FRMD3: variants seen among roughly 807,000 people sequenced by gnomAD.
FRMD3 encodes the protein FERM domain containing 3, also known as FERM domain-containing protein 3.
A neutral mutation model predicts 70.2 loss-of-function variants in FRMD3; 33 were observed. The ratio of observed to expected loss-of-function variants is 0.47; its 90% CI spans 0.36 to 0.63. FRMD3 has a LOEUF of 0.63. Among genes scored for constraint, FRMD3 ranks in the 20% least tolerant of loss-of-function variants. The pLI is 0.00. For missense variants in FRMD3, 632 were observed against 711.4 expected, an observed-to-expected ratio of 0.89 and a Z score of 1.27; for synonymous variants, 279 against 255.9, an observed-to-expected ratio of 1.09 and a Z score of -0.86.
intron 13 of FRMD3, among the ~76,000 whole-genome samples, chr9:83,278,139 A>T (rs1163029351): frequency 1.3e-5 from 2 of 152,240 alleles, no homozygotes; most frequent in Non-Finnish European, 2.9e-5. Flanking sequence ...GAAAAGAAAC[A>T]GCCATACAAA....
chr9:83,271,218 A>G (rs1485447136), intron 13 of FRMD3, among the ~76,000 whole-genome samples: 1 of 152,202 alleles, frequency 6.6e-6, no homozygotes, highest in African/African-American at 2.4e-5. Context: ...GGAGTCAGCC[A>G]TTAGTTAAAA....
chr9:83,290,634 G>C lies in FRMD3; in HGVS notation c.1164C>G (p.Ser388Arg), dbSNP rs371814253. 1 of 1,614,022 alleles carries C rather than the reference G, an allele frequency of 6.2e-7. No individual in the cohort carries two copies. The highest frequency in any genetic ancestry group is 1.1e-5 in the South Asian group (1 of 91,072). Residue 388 changes from serine to arginine, a missense_variant, in exon 13 of 14, where the codon AGC becomes AGG. Ser to Arg is a moderately radical substitution (Grantham distance 110). Transcript: ENST00000304195. The part of the protein sequence containing the change: ...EPLQPLLPSP[S>R]EQEEELPLGE... ...CCAGAGGAAGTTCTTCTTCTTGCTC[G>C]CTGGGGGAAGGAAGCAGGGGCTGCA...
chr9:83,498,683 A>G (rs1255816363), intron 1 of FRMD3, among the ~76,000 whole-genome samples: 1 of 152,210 alleles, frequency 6.6e-6, no homozygotes, highest in East Asian at 1.9e-4. Flanking sequence ...TTTCTACTGA[A>G]CAGCTCTAGT....
intron 13 of FRMD3, among the ~76,000 whole-genome samples, chr9:83,271,165 C>T (rs1383645783): frequency 6.6e-6 from 1 of 152,112 alleles, no homozygotes; most frequent in Non-Finnish European, 1.5e-5. Flanking sequence ...CAATATCATG[C>T]AATTTATCTA....
At chr9:83,357,244 TACA>T (rs368169984) in intron 3 of FRMD3, among the ~76,000 whole-genome samples, 76 of 2,572 alleles carry the variant, frequency 0.03, 3 homozygotes, top group African/African-American at 0.098. Context: ...ATATAATACA[TACA>T]TATATATATA....
At chr9:83,361,700 T>G (rs1282059045) in intron 3 of FRMD3, among the ~76,000 whole-genome samples, 1 of 152,156 alleles carries the variant, frequency 6.6e-6, no homozygotes, top group African/African-American at 2.4e-5. Flanking sequence ...ATTAATTAAT[T>G]ACAATGCATT....
chr9:83,260,320 C>A (rs1832926638), intron 13 of FRMD3, among the ~76,000 whole-genome samples: 1 of 152,120 alleles, frequency 6.6e-6, no homozygotes, highest in Admixed American at 6.5e-5. Context: ...GGTTTGTATC[C>A]ATGCCTGTCT....
the FRMD3 span, among the ~76,000 whole-genome samples, chr9:83,551,094 T>C: frequency 1.3e-5 from 2 of 152,180 alleles, no homozygotes; most frequent in African/African-American, 4.8e-5. Context: ...GCCCATTCCA[T>C]ATAATGTTGG....
chr9:83,257,513 A>C (rs563405288), intron 13 of FRMD3, among the ~76,000 whole-genome samples: 1 of 152,308 alleles, frequency 6.6e-6, no homozygotes, highest in South Asian at 2.1e-4. Context: ...CTTGAAATTA[A>C]AAGTTGAGGG....
intron 1 of FRMD3, among the ~76,000 whole-genome samples, chr9:83,475,021 A>G (rs1241093606): frequency 6.6e-6 from 1 of 152,092 alleles, no homozygotes; most frequent in African/African-American, 2.4e-5. Context: ...TTAACTGCCT[A>G]CCAGAAGCTC....
chr9:83,399,234 G>T (rs1180701768), intron 1 of FRMD3, among the ~76,000 whole-genome samples: 1 of 152,206 alleles, frequency 6.6e-6, no homozygotes, highest in African/African-American at 2.4e-5. Flanking sequence ...TGAATAATCA[G>T]TCAAGGTAGC....
chr9:83,344,717 C>A (rs1404731921), intron 4 of FRMD3, among the ~76,000 whole-genome samples: 1 of 152,138 alleles, frequency 6.6e-6, no homozygotes, highest in Non-Finnish European at 1.5e-5. Context: ...CTCCAGGTTA[C>A]AGACAGCAGA....
intron 1 of FRMD3, among the ~76,000 whole-genome samples, chr9:83,513,807 A>T (rs2131534165): frequency 6.6e-6 from 1 of 152,300 alleles, no homozygotes; most frequent in Non-Finnish European, 1.5e-5. Flanking sequence ...TGCAGCCCAC[A>T]GAAGGTGAGC....
intron 5 of FRMD3, among the ~76,000 whole-genome samples, chr9:83,340,116 G>A (rs1823707536): frequency 6.6e-6 from 1 of 152,108 alleles, no homozygotes; most frequent in Non-Finnish European, 1.5e-5. Flanking sequence ...TGAGGTAGGA[G>A]GATTGCTTGA....
chr9:83,327,290 AG>A (rs1311363926), intron 6 of FRMD3, among the ~76,000 whole-genome samples: 1 of 152,208 alleles, frequency 6.6e-6, no homozygotes, highest in African/African-American at 2.4e-5. Flanking sequence ...ACTTAGATTT[AG>A]CTTTGTTGGA....
intron 8 of FRMD3, among the ~76,000 whole-genome samples, chr9:83,311,260 C>A (rs2131051526): frequency 6.7e-6 from 1 of 149,252 alleles, no homozygotes; most frequent in Non-Finnish European, 1.5e-5. Flanking sequence ...AGCCTCAGGA[C>A]CAATGCGCCT....
At chr9:83,250,158 G>T (rs776443412) in intron 13 of FRMD3, among the ~76,000 whole-genome samples, 22 of 152,142 alleles carry the variant, frequency 1.4e-4, no homozygotes, top group Non-Finnish European at 2.6e-4. Flanking sequence ...AAGCAGAAGA[G>T]GGGGTGATGG....
chr9:83,305,446 A>T (rs956088019), intron 10 of FRMD3, among the ~76,000 whole-genome samples: 7 of 152,228 alleles, frequency 4.6e-5, no homozygotes, highest in African/African-American at 1.7e-4. Flanking sequence ...GCTCCAAGAG[A>T]TTAACAGCTT....
chr9:83,273,596 G>A (rs1235022999), intron 13 of FRMD3, among the ~76,000 whole-genome samples: 15 of 89,986 alleles, frequency 1.7e-4, no homozygotes, highest in East Asian at 5.5e-4. Flanking sequence ...TGCCAAATCC[G>A]ATCAATAAAT....
Sources: allele counts gnomAD v4.1 joint callset (sites outside exome capture counted in the v4.1 genomes callset), GRCh38; gene constraint gnomAD v4.1.1; transcripts MANE v1.5; gene names NCBI Gene and HGNC (gene_info 2026-07-23, HGNC 2026-07-21).